The following PDE10A variants were observed in gnomAD, a reference collection of about 807,000 sequenced individuals.
The protein encoded by PDE10A is cAMP and cAMP-inhibited cGMP 3',5'-cyclic phosphodiesterase 10A.
A neutral mutation model predicts 97.7 loss-of-function variants in PDE10A; 39 were observed. The ratio of observed to expected loss-of-function variants is 0.40; its 90% confidence interval spans 0.31 to 0.52. PDE10A has a LOEUF of 0.52. Ranked by LOEUF, PDE10A falls within the 20% of genes least tolerant of loss-of-function variation. The pLI is 0.56. For synonymous variants in PDE10A, 371 were observed against 376.8 expected (o/e 0.98, Z 0.18); for missense variants, 731 against 1,047.8 (o/e 0.70, Z 4.17).
intron 1 of PDE10A, among the ~76,000 whole-genome samples, chr6:165,869,178 A>G (rs992168122): frequency 1.3e-4 from 20 of 152,140 alleles, no homozygotes; most frequent in African/African-American, 4.8e-4. Context: ...TGCAAATTAC[A>G]TGATCTTATA....
At chr6:165,912,034 C>T (rs369703809) in intron 1 of PDE10A, among the ~76,000 whole-genome samples, 2 of 151,888 alleles carry the variant, frequency 1.3e-5, no homozygotes, top group African/African-American at 4.8e-5. Context: ...TCTCTTTTCA[C>T]CTATCTATCT....
chr6:165,435,857 C>T (rs1789978108), intron 5 of PDE10A, among the ~76,000 whole-genome samples: 1 of 152,116 alleles, frequency 6.6e-6, no homozygotes, highest in African/African-American at 2.4e-5. Context: ...GACTCACTCA[C>T]ATTACTTCGA....
At chr6:165,691,214 C>CACACAT (rs1452252807) in intron 1 of PDE10A, among the ~76,000 whole-genome samples, 1 of 143,432 alleles carries the variant, frequency 7.0e-6, no homozygotes, top group African/African-American at 2.7e-5. Flanking sequence ...CACACACACA[C>CACACAT]ACACACACAC....
At chr6:165,704,917 C>G (rs1282479670) in intron 1 of PDE10A, among the ~76,000 whole-genome samples, 4 of 152,210 alleles carry the variant, frequency 2.6e-5, no homozygotes, top group Non-Finnish European at 4.4e-5. Flanking sequence ...CAGGGCTCCC[C>G]TCATTCACAG....
At chr6:165,958,565 GACA>G (rs1562327316) in intron 1 of PDE10A, among the ~76,000 whole-genome samples, 6 of 9,534 alleles carry the variant, frequency 6.3e-4, no homozygotes, top group African/African-American at 1.3e-3. Flanking sequence ...AAGAAAGAAA[GACA>G]GACAGAAAGA....
chr6:165,474,044 G>A (rs1318051381), intron 3 of PDE10A, among the ~76,000 whole-genome samples: 1 of 152,176 alleles, frequency 6.6e-6, no homozygotes, highest in Non-Finnish European at 1.5e-5. Flanking sequence ...CTAGTCAGAC[G>A]TTGCCAAAGT....
chr6:165,411,064 G>A lies in PDE10A; in HGVS notation c.2076+2437C>T, dbSNP rs542837738. On this transcript the variant is annotated intron_variant, in intron 13 of 21. Transcript: ENST00000539869. Reference sequence around the variant, plus strand: ...ACAGCGCCACTGCCCTCCAGCCTGGGCAACAGAGCGAGACTCCGCCTCAAA... The same window carrying A: ...ACAGCGCCACTGCCCTCCAGCCTGGACAACAGAGCGAGACTCCGCCTCAAA... 3.7e-5 allele frequency among the ~76,000 whole-genome samples: 4 copies of A among 106,756 alleles called. 1 individual carries two copies. The East Asian group carries it at 9.1e-4, about 24-fold the overall frequency. 70.0% of individuals were successfully genotyped at this position (106,756 alleles called of 152,430 possible).
Position 165,330,564 on chromosome 6 carries a change from T to C in PDE10A, c.*2461A>G, listed in dbSNP as rs981453743. ...CAGTCTTTTGTTCAAGCTGTGCTTCTATTATGACAATATTTCACAAGAAAT... is the reference window on the plus strand; with the variant it reads ...CAGTCTTTTGTTCAAGCTGTGCTTCCATTATGACAATATTTCACAAGAAAT... On this transcript the variant is annotated 3_prime_UTR_variant, in exon 22 of 22. Coordinates refer to ENST00000539869, the MANE Select transcript of PDE10A (RefSeq NM_001385079.1). 1.3e-5 allele frequency: 2 copies of C among 152,212 alleles called. No homozygotes were observed. Among genetic ancestry groups the C allele is most frequent in the African/African-American group, 2.4e-5 (1 of 41,460 alleles). 9.4% of individuals were successfully genotyped at this position (152,212 alleles called of 1,614,324 possible).
chr6:165,775,137 C>T (rs984108502), intron 1 of PDE10A: 4 of 152,262 alleles, frequency 2.6e-5, no homozygotes, highest in Admixed American at 1.3e-4. Flanking sequence ...GTATTTCCAG[C>T]TGACCATGGG....
chr6:165,487,860 C>T (rs1480537740), intron 2 of PDE10A, among the ~76,000 whole-genome samples: 2 of 152,042 alleles, frequency 1.3e-5, no homozygotes, highest in Admixed American at 6.6e-5. Flanking sequence ...GTAGAATGTT[C>T]CCTTTTCCCT....
chr6:165,941,047 A>G (rs1441752426), intron 1 of PDE10A, among the ~76,000 whole-genome samples: 1 of 152,182 alleles, frequency 6.6e-6, no homozygotes, highest in Non-Finnish European at 1.5e-5. Flanking sequence ...ATACAGCGAG[A>G]TAAGAGCTCA....
intron 1 of PDE10A, among the ~76,000 whole-genome samples, chr6:165,678,860 T>C (rs1190491850): frequency 6.6e-6 from 1 of 152,196 alleles, no homozygotes; most frequent in African/African-American, 2.4e-5. Context: ...CCAAATCAAC[T>C]GTCATCCAGC....
chr6:165,609,476 C>G (rs2128400394), intron 1 of PDE10A, among the ~76,000 whole-genome samples: 1 of 152,282 alleles, frequency 6.6e-6, no homozygotes, highest in South Asian at 2.1e-4. Flanking sequence ...CTCACCATTC[C>G]TATTCAACAT....
rs112400023 is a variant in PDE10A, at chr6:165,836,518, T to C, written c.-615+151011A>G. On this transcript the variant is annotated intron_variant, in intron 1 of 19. Coordinates refer to the PDE10A transcript ENST00000366882. ...GCTCTTTCTGCTTCTGATTAAGTCTTACAATATTGATTACTTTATAATTAG... is the reference window on the plus strand; with the variant it reads ...GCTCTTTCTGCTTCTGATTAAGTCTCACAATATTGATTACTTTATAATTAG... Among the ~76,000 whole-genome samples, 536 of 152,324 alleles carry C rather than the reference T, an allele frequency of 3.5e-3. 5 individuals carry two copies. Among genetic ancestry groups the C allele is most frequent in the African/African-American group, 0.012 (498 of 41,566 alleles).
intron 1 of PDE10A, among the ~76,000 whole-genome samples, chr6:165,842,528 CA>C (rs1406805819): frequency 1.3e-5 from 2 of 152,218 alleles, no homozygotes; most frequent in Non-Finnish European, 2.9e-5. Flanking sequence ...AAATGAGTAA[CA>C]GAGAGCGAAT....
chr6:165,495,876 A>T (rs1780506092), intron 2 of PDE10A, among the ~76,000 whole-genome samples: 1 of 152,166 alleles, frequency 6.6e-6, no homozygotes, highest in Admixed American at 6.5e-5. Flanking sequence ...AGAATAAAAA[A>T]GATACAATAA....
intron 1 of PDE10A, among the ~76,000 whole-genome samples, chr6:165,702,118 C>T (rs1007560352): frequency 2.0e-5 from 3 of 152,164 alleles, no homozygotes; most frequent in South Asian, 2.1e-4. Context: ...TTTGAACCTC[C>T]GAAGGGTGGT....
chr6:165,358,753 C>T (rs1037449117), intron 18 of PDE10A, among the ~76,000 whole-genome samples: 1 of 151,768 alleles, frequency 6.6e-6, no homozygotes, highest in African/African-American at 2.4e-5. Flanking sequence ...GTTTTTGCTC[C>T]TCTTGTCCTG....
chr6:165,505,326 A>C (rs1781129032), intron 2 of PDE10A, among the ~76,000 whole-genome samples: 1 of 152,194 alleles, frequency 6.6e-6, no homozygotes, highest in South Asian at 2.1e-4. Context: ...AATGGCTCAA[A>C]TATATTTACA....
Sources: gnomAD v4.1 joint callset for allele counts (sites outside exome capture counted in the v4.1 genomes callset) on GRCh38, gnomAD v4.1.1 for gene constraint, MANE v1.5 for transcripts, NCBI Gene and HGNC (gene_info 2026-07-23, HGNC 2026-07-21) for gene names.